Variants in RIN2 observed in about 807,000 individuals in gnomAD.
The protein encoded by RIN2 is RAB5 interacting protein 2.
Under a neutral mutation model 78.0 loss-of-function variants are expected in RIN2, and 36 were observed. The ratio of observed to expected loss-of-function variants is 0.46; its 90% CI spans 0.35 to 0.61. RIN2 has a LOEUF of 0.61. Ranked by LOEUF, RIN2 falls within the 20% of genes least tolerant of loss-of-function variation. The pLI is 0.00. For missense variants in RIN2, 1,087 were observed against 1,159.7 expected (o/e 0.94, Z 0.91); for synonymous variants, 466 against 466.8 (o/e 1.00, Z 0.02).
intron 2 of RIN2, among the ~76,000 whole-genome samples, chr20:19,882,742 C>T (rs933625098): frequency 6.6e-6 from 1 of 152,084 alleles, no homozygotes; most frequent in Non-Finnish European, 1.5e-5. Context: ...ATTGTTGACC[C>T]TTGAACAAAA....
At chr20:19,934,977 A>T (rs2040577666) in intron 3 of RIN2, 122 bp from the exon 4 acceptor site, 2 of 662,740 alleles carry the variant, frequency 3.0e-6, no homozygotes, top group African/African-American at 1.9e-5. Context: ...TAAAAAAAAA[A>T]AAAAAGAAAT....
intron 3 of RIN2, among the ~76,000 whole-genome samples, chr20:19,925,724 G>A (rs942441450): frequency 3.3e-5 from 5 of 152,224 alleles, no homozygotes; most frequent in Non-Finnish European, 5.9e-5. Context: ...CTGCTTAAAT[G>A]TTTGATAATA....
chr20:19,949,055 G>T (rs901538668), intron 4 of RIN2, among the ~76,000 whole-genome samples: 2 of 152,162 alleles, frequency 1.3e-5, no homozygotes, highest in African/African-American at 4.8e-5. Context: ...CAAGGCGGGG[G>T]ATTGCCTGAG....
At chr20:19,865,940 A>G (rs1236542586) in intron 2 of RIN2, among the ~76,000 whole-genome samples, 2 of 152,174 alleles carry the variant, frequency 1.3e-5, no homozygotes, top group Non-Finnish European at 2.9e-5. Flanking sequence ...CAATTTTTCC[A>G]TAGACCGGGG....
chr20:19,765,348 G>A (rs752925079), intron 1 of RIN2, among the ~76,000 whole-genome samples: 2 of 152,192 alleles, frequency 1.3e-5, no homozygotes, highest in Non-Finnish European at 2.9e-5. Context: ...GGCATTGATT[G>A]TATGTGTTCA....
chr20:19,781,901 T>C (rs1403590592), intron 1 of RIN2, among the ~76,000 whole-genome samples: 1 of 152,042 alleles, frequency 6.6e-6, no homozygotes, highest in Non-Finnish European at 1.5e-5. Context: ...CTAAAACATA[T>C]GTACTGAAGG....
chr20:19,777,870 C>T (rs1437581684), intron 1 of RIN2, among the ~76,000 whole-genome samples: 1 of 152,162 alleles, frequency 6.6e-6, no homozygotes, highest in East Asian at 1.9e-4. Context: ...TTTTAGGAGC[C>T]ACCAAAATGT....
rs1434343829 is a variant in RIN2 at position 19,886,668 on chromosome 20, A to G, written c.-36-2898A>G. On this transcript the variant is annotated intron_variant, in intron 2 of 12. Transcript: ENST00000255006. Reference sequence around the variant, plus strand: ...GCTAGTATCTGGAAACATCTACTGGACATGTTGGACTCATTTTCTCAAGAA... The same window carrying G: ...GCTAGTATCTGGAAACATCTACTGGGCATGTTGGACTCATTTTCTCAAGAA... 1.7e-5 allele frequency: 24 copies of G among 1,402,374 alleles called. No individual in the cohort carries two copies. In the African/African-American group the frequency reaches 3.4e-4, roughly 20 times the overall value. The allele number at this position is 1,402,374 out of a possible 1,614,324, so 86.9% of individuals were successfully genotyped here. A position where few individuals can be genotyped will look rare whatever the true frequency, so the allele number is the denominator to read the frequency against.
intron 2 of RIN2, among the ~76,000 whole-genome samples, chr20:19,867,792 T>G (rs2037555589): frequency 1.3e-5 from 2 of 152,270 alleles, no homozygotes; most frequent in Non-Finnish European, 1.5e-5. Flanking sequence ...GTGGGAGAAT[T>G]TTAAGAGTTG....
At chr20:19,829,648 G>A (rs781105388) in intron 2 of RIN2, among the ~76,000 whole-genome samples, 1 of 152,174 alleles carries the variant, frequency 6.6e-6, no homozygotes, top group Non-Finnish European at 1.5e-5. Context: ...GGCAGGGAGG[G>A]GTACTGAGGA....
At chr20:19,904,543 G>A (rs933125361) in intron 3 of RIN2, among the ~76,000 whole-genome samples, 2 of 152,098 alleles carry the variant, frequency 1.3e-5, no homozygotes, top group South Asian at 2.1e-4. Context: ...AGAAAGAGAC[G>A]AAAGGAAGAG....
At position 19,876,126 on chromosome 20, in the gene RIN2, C is replaced by T. The variant is rs1056244508; in HGVS notation, c.-36-13440C>T. On this transcript the variant is annotated intron_variant, in intron 2 of 12. Coordinates refer to ENST00000255006, the MANE Select transcript of RIN2 (RefSeq NM_018993.4). ...AAACCAAAAATGACTGCTTCTCGTACTTTTTTCTAGACAGATATTTCTGAG... is the reference window on the plus strand; with the variant it reads ...AAACCAAAAATGACTGCTTCTCGTATTTTTTTCTAGACAGATATTTCTGAG... 4.7e-4 allele frequency among the ~76,000 whole-genome samples: 71 copies of T among 152,212 alleles called. 1 individual carries two copies. Among genetic ancestry groups the T allele is most frequent in the Non-Finnish European group, 1.5e-4 (10 of 68,040 alleles).
intron 2 of RIN2, among the ~76,000 whole-genome samples, chr20:19,802,588 A>AG (rs1431908847): frequency 6.6e-6 from 1 of 151,976 alleles, no homozygotes; most frequent in East Asian, 1.9e-4. Flanking sequence ...GGCAGGCTGG[A>AG]GGGATGACAT....
intron 3 of RIN2, among the ~76,000 whole-genome samples, chr20:19,892,450 G>A (rs544766519): frequency 3.3e-5 from 5 of 152,048 alleles, no homozygotes; most frequent in Non-Finnish European, 7.4e-5. Flanking sequence ...TCCTGACCTC[G>A]TGATCCACCC....
intron 2 of RIN2, among the ~76,000 whole-genome samples, chr20:19,843,731 A>G (rs2036650277): frequency 6.6e-6 from 1 of 152,224 alleles, no homozygotes; most frequent in Admixed American, 6.5e-5. Context: ...CTGGACTACC[A>G]CAATCCACCA....
chr20:19,876,917 AAAAC>A (rs1225050671), intron 2 of RIN2, among the ~76,000 whole-genome samples: 4 of 151,988 alleles, frequency 2.6e-5, no homozygotes, highest in African/African-American at 7.2e-5. Flanking sequence ...AAAAAAACAA[AAAAC>A]AAACAAACAA....
chr20:19,905,572 A>G (rs1244469554), intron 3 of RIN2, among the ~76,000 whole-genome samples: 1 of 152,154 alleles, frequency 6.6e-6, no homozygotes, highest in Non-Finnish European at 1.5e-5. Context: ...ATAAAGATAA[A>G]TAAACTAAGA....
At chr20:19,764,736 C>T (rs1357667843) in intron 1 of RIN2, among the ~76,000 whole-genome samples, 1 of 151,928 alleles carries the variant, frequency 6.6e-6, no homozygotes, top group African/African-American at 2.4e-5. Flanking sequence ...TTTCAGATTA[C>T]TATTTAAATT....
At chr20:19,763,044 C>A (rs1182649188) in intron 1 of RIN2, among the ~76,000 whole-genome samples, 1 of 152,126 alleles carries the variant, frequency 6.6e-6, no homozygotes, top group South Asian at 2.1e-4. Flanking sequence ...CAATTACAGG[C>A]GTGTGCCACC....
Sources: allele counts gnomAD v4.1 joint callset (sites outside exome capture counted in the v4.1 genomes callset), GRCh38; gene constraint gnomAD v4.1.1; transcripts MANE v1.5; gene names NCBI Gene and HGNC (gene_info 2026-07-23, HGNC 2026-07-21).